ADARB2: variants seen among roughly 807,000 people sequenced by gnomAD.
The protein encoded by ADARB2 is adenosine deaminase RNA specific B2 (inactive), also known as inactive double-stranded RNA-specific editase B2.
ADARB2 carries 25 observed loss-of-function variants against 62.2 expected under a neutral mutation model. The observed-to-expected ratio is 0.40, with a 90% CI of 0.29 to 0.56. The LOEUF (loss-of-function observed/expected upper bound fraction) is 0.56, where lower values mean the gene tolerates loss of function less well. ADARB2 is among the 20% of genes least tolerant of loss of function. The pLI is 0.43. For synonymous variants in ADARB2, 572 were observed against 500.8 expected (o/e 1.14, Z -1.90); for missense variants, 1,071 against 1,077.4 (o/e 0.99, Z 0.08).
At chr10:1,379,883 C>T (rs1007595370) in intron 1 of ADARB2, among the ~76,000 whole-genome samples, 2 of 152,204 alleles carry the variant, frequency 1.3e-5, no homozygotes, top group Non-Finnish European at 2.9e-5. Context: ...CAGGAGATGC[C>T]GCTCTTCACC....
At chr10:1,581,319 C>T (rs147865778) in intron 1 of ADARB2, among the ~76,000 whole-genome samples, 54 of 152,358 alleles carry the variant, frequency 3.5e-4, no homozygotes, top group African/African-American at 1.3e-3. Flanking sequence ...AGCATACACC[C>T]AGTTCCACTG....
At chr10:1,605,460 G>A (rs1186313450) in intron 1 of ADARB2, among the ~76,000 whole-genome samples, 2 of 152,168 alleles carry the variant, frequency 1.3e-5, no homozygotes, top group Admixed American at 6.6e-5. Flanking sequence ...GGTATGAATG[G>A]TCTCCTCTGA....
intron 1 of ADARB2, among the ~76,000 whole-genome samples, chr10:1,682,341 G>C (rs1044444725): frequency 2.6e-5 from 4 of 152,220 alleles, no homozygotes; most frequent in Non-Finnish European, 4.4e-5. Context: ...GAGCCACTGA[G>C]GGTCTCGCCT....
chr10:1,564,886 G>A (rs1189797309), intron 1 of ADARB2, among the ~76,000 whole-genome samples: 1 of 151,932 alleles, frequency 6.6e-6, no homozygotes, highest in Non-Finnish European at 1.5e-5. Flanking sequence ...GGGCCGCAGG[G>A]TGAATTCAAG....
chr10:1,188,533 G>C (rs961303825), intron 8 of ADARB2, among the ~76,000 whole-genome samples: 1 of 151,640 alleles, frequency 6.6e-6, no homozygotes, highest in Non-Finnish European at 1.5e-5. Flanking sequence ...GCTCCCCTCT[G>C]TGTTCTGCTG....
intron 4 of ADARB2, among the ~76,000 whole-genome samples, chr10:1,248,099 A>G (rs1406509931): frequency 6.6e-6 from 1 of 152,238 alleles, no homozygotes; most frequent in Non-Finnish European, 1.5e-5. Flanking sequence ...TTATTAAGTC[A>G]GGAAGACAGG....
chr10:1,635,876 C>T (rs1414933730), intron 1 of ADARB2, among the ~76,000 whole-genome samples: 2 of 152,122 alleles, frequency 1.3e-5, no homozygotes, highest in Non-Finnish European at 2.9e-5. Context: ...CTCCACTGAC[C>T]CAGAGGCCTC....
In ADARB2 at chr10:1,258,601, T is replaced by G. The variant is rs910735477; in HGVS notation, c.1192+12354A>C. 3.3e-5 allele frequency among the ~76,000 whole-genome samples: 5 copies of G among 152,316 alleles called. No individual in the cohort carries two copies. The East Asian group carries it at 9.6e-4, about 29-fold the overall frequency. On this transcript the variant is annotated intron_variant, in intron 4 of 9. Coordinates refer to ENST00000381312, the MANE Select transcript of ADARB2 (RefSeq NM_018702.4). ...GATCAATTCAACAAGAAGAACTAAC[T>G]ATTCTAAATATATATGCATCCAATA... is the stretch of plus-strand genomic sequence containing the variant.
At chr10:1,678,171 C>T in intron 1 of ADARB2, 2 of 985,406 alleles carry the variant, frequency 2.0e-6, no homozygotes, top group Non-Finnish European at 2.4e-6. Flanking sequence ...GGTCACCCAG[C>T]AAATGCCCAG....
chr10:1,448,227 G>A (rs1017696200), intron 1 of ADARB2, among the ~76,000 whole-genome samples: 1 of 152,174 alleles, frequency 6.6e-6, no homozygotes, highest in Non-Finnish European at 1.5e-5. Context: ...CTATGAAGAG[G>A]CGAGGGGAAG....
intron 1 of ADARB2, among the ~76,000 whole-genome samples, chr10:1,433,971 C>T (rs998546821): frequency 2.0e-5 from 3 of 152,154 alleles, no homozygotes; most frequent in African/African-American, 7.2e-5. Flanking sequence ...ATTATGGTAT[C>T]ATTTGACAAG....
At chr10:1,548,537 G>A (rs1305031469) in intron 1 of ADARB2, among the ~76,000 whole-genome samples, 2 of 152,240 alleles carry the variant, frequency 1.3e-5, no homozygotes, top group Non-Finnish European at 2.9e-5. Flanking sequence ...GAAGGCCAGT[G>A]AGATATCGCA....
intron 1 of ADARB2, among the ~76,000 whole-genome samples, chr10:1,415,936 T>G (rs1289410553): frequency 6.6e-6 from 1 of 152,216 alleles, no homozygotes; most frequent in Non-Finnish European, 1.5e-5. Flanking sequence ...GATATGAGGC[T>G]GATTCTACCA....
intron 1 of ADARB2, among the ~76,000 whole-genome samples, chr10:1,481,364 C>A (rs1378264549): frequency 6.6e-6 from 1 of 152,140 alleles, no homozygotes; most frequent in Non-Finnish European, 1.5e-5. Context: ...AAAAGCTCAT[C>A]AGGGAAAAGC....
intron 1 of ADARB2, among the ~76,000 whole-genome samples, chr10:1,392,310 G>A (rs1157445247): frequency 6.6e-6 from 1 of 152,122 alleles, no homozygotes; most frequent in Non-Finnish European, 1.5e-5. Flanking sequence ...CTCTCTTGGT[G>A]CCCTCAGGCT....
intron 4 of ADARB2, among the ~76,000 whole-genome samples, chr10:1,257,275 G>A (rs537686180): frequency 6.6e-6 from 1 of 152,296 alleles, no homozygotes; most frequent in East Asian, 1.9e-4. Context: ...AGTTGGGGAG[G>A]CCGCCCTGAA....
chr10:1,510,093 C>CTT (rs1171211276), intron 1 of ADARB2, among the ~76,000 whole-genome samples: 22 of 136,380 alleles, frequency 1.6e-4, no homozygotes, highest in Admixed American at 6.8e-4. Flanking sequence ...CTCTCTCTCT[C>CTT]TCTTTTCTTT....
chr10:1,316,866 G>C (rs1489213234), intron 3 of ADARB2, among the ~76,000 whole-genome samples: 3 of 152,244 alleles, frequency 2.0e-5, no homozygotes, highest in African/African-American at 4.8e-5. Flanking sequence ...CCGCGAATGA[G>C]TAATGTGCTT....
rs112052890 is a variant in ADARB2 at position 1,737,506 on chromosome 10, G to A, written c.-356C>T. 6 of 269,566 alleles carry A rather than the reference G, an allele frequency of 2.2e-5. 1 individual carries two copies. The highest frequency in any genetic ancestry group is 1.3e-4 in the African/African-American group (6 of 45,212). The allele number at this position is 269,566 out of a possible 1,614,324, so 16.7% of individuals were successfully genotyped here. A position where few individuals can be genotyped will look rare whatever the true frequency, so the allele number is the denominator to read the frequency against. On this transcript the variant is annotated 5_prime_UTR_variant, in exon 1 of 10. Coordinates refer to ENST00000381312, the MANE Select transcript of ADARB2 (RefSeq NM_018702.4). ...GGCTACTTTTGCGCCTCTGCTAGTTGTTTGGCACCAGCCACTTTGAAGCCA... is the reference window on the plus strand; with the variant it reads ...GGCTACTTTTGCGCCTCTGCTAGTTATTTGGCACCAGCCACTTTGAAGCCA...
Sources: gnomAD v4.1 joint callset for allele counts (sites outside exome capture counted in the v4.1 genomes callset) on GRCh38, gnomAD v4.1.1 for gene constraint, MANE v1.5 for transcripts, NCBI Gene and HGNC (gene_info 2026-07-23, HGNC 2026-07-21) for gene names.